The following VTI1A variants were observed in gnomAD, a reference collection of about 807,000 sequenced individuals.
The protein encoded by VTI1A is vesicle transport through interaction with t-SNAREs 1A, also known as vesicle transport through interaction with t-SNAREs homolog 1A.
A neutral mutation model predicts 34.9 loss-of-function variants in VTI1A; 22 were observed. The ratio of observed to expected loss-of-function variants is 0.63; its 90% CI spans 0.45 to 0.90. The LOEUF (loss-of-function observed/expected upper bound fraction) is 0.90, where lower values mean the gene tolerates loss of function less well. VTI1A is among the 40% of genes least tolerant of loss of function. The pLI is 0.00. For synonymous variants in VTI1A, 87 were observed against 97.3 expected, an observed-to-expected ratio of 0.89 and a Z score of 0.62; for missense variants, 268 against 275.6, an observed-to-expected ratio of 0.97 and a Z score of 0.20.
chr10:112,473,693 A>C (rs1030513542), intron 3 of VTI1A, among the ~76,000 whole-genome samples: 3 of 152,190 alleles, frequency 2.0e-5, no homozygotes, highest in African/African-American at 7.2e-5. Flanking sequence ...CTACATTTTT[A>C]CTGCGGCTCA....
chr10:112,660,066 A>G (rs974996702), intron 5 of VTI1A, among the ~76,000 whole-genome samples: 1 of 152,124 alleles, frequency 6.6e-6, no homozygotes. Flanking sequence ...TAGTTTTCTT[A>G]TATGCTCTCT....
At position 112,816,683 on chromosome 10, in the gene VTI1A, T is replaced by G; in HGVS notation, c.*1300T>G. On this transcript the variant is annotated 3_prime_UTR_variant, in exon 8 of 8. Coordinates refer to ENST00000393077, the MANE Select transcript of VTI1A (RefSeq NM_145206.4). ...TTTTTCTCAAGACTTCATAGGCACT[T>G]ACTGGTCCGTACTATCTTTGGAATA... The G allele has an allele frequency of 4.4e-6, 1 of 226,580 alleles. No homozygotes were observed. Among genetic ancestry groups the G allele is most frequent in the Non-Finnish European group, 8.8e-6 (1 of 113,858 alleles). 14.0% of individuals were successfully genotyped at this position (226,580 alleles called of 1,614,324 possible). A position where few individuals can be genotyped will look rare whatever the true frequency, so the allele number is the denominator to read the frequency against.
At chr10:112,732,461 A>G (rs1269086927) in intron 7 of VTI1A, among the ~76,000 whole-genome samples, 1 of 152,316 alleles carries the variant, frequency 6.6e-6, no homozygotes, top group Non-Finnish European at 1.5e-5. Context: ...CATTCAGACT[A>G]TGAATGGACA....
chr10:112,671,561 A>G (rs556438436), intron 7 of VTI1A, among the ~76,000 whole-genome samples: 1 of 152,202 alleles, frequency 6.6e-6, no homozygotes, highest in Non-Finnish European at 1.5e-5. Context: ...AAATTTTTTA[A>G]ACCTTGATTG....
At chr10:112,551,295 T>C (rs934124954) in intron 5 of VTI1A, among the ~76,000 whole-genome samples, 2 of 151,622 alleles carry the variant, frequency 1.3e-5, no homozygotes, top group East Asian at 3.9e-4. Context: ...TATTTTTTTT[T>C]AAATTTCCAT....
At chr10:112,849,841 A>T in the VTI1A span, among the ~76,000 whole-genome samples, 1 of 152,292 alleles carries the variant, frequency 6.6e-6, no homozygotes, top group African/African-American at 2.4e-5. Context: ...GAGCCTGTGA[A>T]TGTGAAATGT....
the VTI1A span, among the ~76,000 whole-genome samples, chr10:112,833,105 G>A: frequency 6.6e-6 from 1 of 152,168 alleles, no homozygotes; most frequent in Admixed American, 6.5e-5. Context: ...ATGCCAGGGA[G>A]GACAGGCATG....
At chr10:112,582,898 A>C (rs76918923) in intron 5 of VTI1A, among the ~76,000 whole-genome samples, 1,656 of 151,924 alleles carry the variant, frequency 0.011, 9 homozygotes, top group Non-Finnish European at 0.016. Context: ...GCTGTAAAAA[A>C]CCTCCAAGAA....
At chr10:112,579,712 C>G (rs530947369) in intron 5 of VTI1A, among the ~76,000 whole-genome samples, 1 of 152,108 alleles carries the variant, frequency 6.6e-6, no homozygotes, top group South Asian at 2.1e-4. Flanking sequence ...CCAGAGAATA[C>G]TAATAGAGAA....
intron 5 of VTI1A, among the ~76,000 whole-genome samples, chr10:112,600,384 CA>C (rs1434222889): frequency 6.6e-6 from 1 of 152,198 alleles, no homozygotes; most frequent in Non-Finnish European, 1.5e-5. Context: ...ACGTGGTCCA[CA>C]AGGCCTTTCA....
chr10:112,814,681 A>G (rs1853446428), intron 7 of VTI1A, among the ~76,000 whole-genome samples: 1 of 152,074 alleles, frequency 6.6e-6, no homozygotes, highest in Non-Finnish European at 1.5e-5. Context: ...TCTCATTTCC[A>G]TCTTTTTTGC....
chr10:112,823,433 G>T (rs1853689837), downstream of VTI1A: 1 of 152,230 alleles, frequency 6.6e-6, no homozygotes, highest in Admixed American at 6.5e-5. Context: ...GTGTCACTGG[G>T]CCCGCCGGCG....
rs1468608499 is a variant in VTI1A, at chr10:112,815,507, C to T, written c.*124C>T. On this transcript the variant is annotated 3_prime_UTR_variant, in exon 8 of 8. Coordinates refer to ENST00000393077, the MANE Select transcript of VTI1A (RefSeq NM_145206.4). ...GGTGACCCTCTCTCTCCCTCACCGC[C>T]GTTGGGCTGAAGTGCAAAGAGTGTA... 2.4e-5 allele frequency: 19 copies of T among 801,256 alleles called. No individual in the cohort carries two copies. The highest frequency in any genetic ancestry group is 2.3e-4 in the East Asian group (9 of 38,982). The allele number at this position is 801,256 out of a possible 1,614,324, so 49.6% of individuals were successfully genotyped here.
chr10:112,549,067 C>T (rs1022814429), intron 5 of VTI1A, among the ~76,000 whole-genome samples: 1 of 152,126 alleles, frequency 6.6e-6, no homozygotes, highest in East Asian at 1.9e-4. Context: ...CAGATACCAG[C>T]GCTTACATCT....
chr10:112,459,127 T>G (rs980701747), intron 1 of VTI1A, among the ~76,000 whole-genome samples: 4 of 152,188 alleles, frequency 2.6e-5, no homozygotes, highest in African/African-American at 7.2e-5. Context: ...AAACCCAGTT[T>G]TAAATAAAGA....
At chr10:112,714,280 C>T (rs1204423361) in intron 7 of VTI1A, among the ~76,000 whole-genome samples, 3 of 152,134 alleles carry the variant, frequency 2.0e-5, no homozygotes, top group Non-Finnish European at 4.4e-5. Flanking sequence ...TTTCCATGCT[C>T]CGTTGGATCT....
At chr10:112,674,046 G>A (rs932264689) in intron 7 of VTI1A, among the ~76,000 whole-genome samples, 15 of 152,124 alleles carry the variant, frequency 9.9e-5, no homozygotes, top group Admixed American at 9.8e-4. Context: ...AGACTTGTGA[G>A]AAAAATGTCC....
chr10:112,697,858 G>A (rs1225440252), intron 7 of VTI1A, among the ~76,000 whole-genome samples: 1 of 141,256 alleles, frequency 7.1e-6, no homozygotes, highest in Non-Finnish European at 1.5e-5. Flanking sequence ...CTCTGTATTA[G>A]CATTTACATG....
intron 1 of VTI1A, among the ~76,000 whole-genome samples, chr10:112,448,035 CAAAT>C (rs147498938): frequency 0.022 from 3,352 of 152,042 alleles, 127 homozygotes; most frequent in African/African-American, 0.077. Context: ...AACTCCGTCT[CAAAT>C]AAATAAATAA....
Sources: allele counts gnomAD v4.1 joint callset (sites outside exome capture counted in the v4.1 genomes callset), GRCh38; gene constraint gnomAD v4.1.1; transcripts MANE v1.5; gene names NCBI Gene and HGNC (gene_info 2026-07-23, HGNC 2026-07-21).